RGS5: variants seen among roughly 807,000 people sequenced by gnomAD.
RGS5 encodes the protein regulator of G-protein signalling 5.
A neutral mutation model predicts 18.9 loss-of-function variants in RGS5; 20 were observed. The ratio of observed to expected loss-of-function variants is 1.06; its 90% CI spans 0.74 to 1.54. The LOEUF is 1.54. RGS5 is among the 40% of genes most tolerant of loss of function. The pLI, the probability that RGS5 is intolerant of heterozygous loss-of-function variation, is 0.00. For missense variants in RGS5, 201 were observed against 211.8 expected (o/e 0.95, Z 0.32); for synonymous variants, 57 against 76.2 (o/e 0.75, Z 1.31).
intron 1 of RGS5, among the ~76,000 whole-genome samples, chr1:163,196,058 A>T (rs1194208743): frequency 6.6e-6 from 1 of 152,076 alleles, no homozygotes; most frequent in Non-Finnish European, 1.5e-5. Context: ...TACTGTGAAC[A>T]TTTTCTTTCC....
intron 1 of RGS5, among the ~76,000 whole-genome samples, chr1:163,309,473 A>G (rs1239850348): frequency 1.3e-5 from 2 of 149,924 alleles, no homozygotes; most frequent in Non-Finnish European, 3.0e-5. Context: ...AATCTTTACC[A>G]GCAATAGATT....
chr1:163,258,104 G>A (rs1648326937), intron 2 of RGS5, among the ~76,000 whole-genome samples: 1 of 152,178 alleles, frequency 6.6e-6, no homozygotes. Context: ...TATGAATAAT[G>A]TCTGTAGCTG....
At chr1:163,177,873 G>T (rs747758876) in intron 1 of RGS5, among the ~76,000 whole-genome samples, 1 of 152,136 alleles carries the variant, frequency 6.6e-6, no homozygotes, top group Non-Finnish European at 1.5e-5. Flanking sequence ...GTGTTGTGAC[G>T]TCAAAAGCAA....
intron 1 of RGS5, among the ~76,000 whole-genome samples, chr1:163,190,559 C>T (rs748688115): frequency 1.2e-4 from 18 of 152,096 alleles, no homozygotes; most frequent in Non-Finnish European, 2.1e-4. Context: ...TATGGAACTG[C>T]GTGAGGAGCT....
intron 3 of RGS5, among the ~76,000 whole-genome samples, chr1:163,158,673 A>G (rs1457431353): frequency 6.6e-6 from 1 of 152,182 alleles, no homozygotes; most frequent in Non-Finnish European, 1.5e-5. Context: ...AAAGCAATAA[A>G]ATATCACGAG....
chr1:163,154,181 T>C (rs1657494161), intron 3 of RGS5, among the ~76,000 whole-genome samples: 1 of 152,236 alleles, frequency 6.6e-6, no homozygotes, highest in South Asian at 2.1e-4. Context: ...CTTTTACCTA[T>C]TCTTTTTATA....
chr1:163,256,174 CCT>C (rs1188793631), intron 2 of RGS5, among the ~76,000 whole-genome samples: 1 of 151,988 alleles, frequency 6.6e-6, no homozygotes, highest in Non-Finnish European at 1.5e-5. Context: ...TCAAATTGTC[CCT>C]GTTTGCAGAT....
intron 1 of RGS5, among the ~76,000 whole-genome samples, chr1:163,189,296 A>G (rs1342085862): frequency 6.6e-6 from 1 of 152,220 alleles, no homozygotes; most frequent in Non-Finnish European, 1.5e-5. Context: ...GCTAATAAAA[A>G]CGATAAGAGT....
At chr1:163,240,532 A>C (rs1283065590) in intron 2 of RGS5, among the ~76,000 whole-genome samples, 2 of 152,100 alleles carry the variant, frequency 1.3e-5, no homozygotes, top group South Asian at 2.1e-4. Context: ...AAAATTTTTT[A>C]AGAGAGAGAT....
intron 2 of RGS5, chr1:163,304,604 G>A (rs1380808275): frequency 1.3e-5 from 2 of 152,218 alleles, no homozygotes; most frequent in East Asian, 1.9e-4. Flanking sequence ...TTCTCTGGCT[G>A]AAGTTTAATT....
At chr1:163,282,044 C>A (rs200206730) in intron 2 of RGS5, among the ~76,000 whole-genome samples, 29 of 138,698 alleles carry the variant, frequency 2.1e-4, no homozygotes, top group Admixed American at 2.0e-3. Context: ...AGTGCACGCG[C>A]GCGCACACAC....
intron 2 of RGS5, among the ~76,000 whole-genome samples, chr1:163,303,143 C>T (rs1037401608): frequency 6.6e-6 from 1 of 152,100 alleles, no homozygotes; most frequent in Non-Finnish European, 1.5e-5. Flanking sequence ...TATTTGGATA[C>T]TTTTACATAT....
chr1:163,270,926 G>GT (rs1207528773), intron 2 of RGS5, among the ~76,000 whole-genome samples: 1 of 152,092 alleles, frequency 6.6e-6, no homozygotes, highest in South Asian at 2.1e-4. Flanking sequence ...ATTCCTTGGG[G>GT]TTTTTTAAAG....
intron 3 of RGS5, among the ~76,000 whole-genome samples, chr1:163,160,788 C>T (rs997928186): frequency 2.0e-5 from 3 of 152,108 alleles, no homozygotes; most frequent in Non-Finnish European, 4.4e-5. Context: ...GTTTCATATT[C>T]CATTCTTGTT....
intron 2 of RGS5, among the ~76,000 whole-genome samples, chr1:163,286,492 T>G (rs1021315530): frequency 6.6e-6 from 1 of 152,160 alleles, no homozygotes; most frequent in African/African-American, 2.4e-5. Context: ...TCCTATTTTA[T>G]CTTTTTCTTA....
chr1:163,147,507 T>G lies in RGS5; in HGVS notation c.385-4A>C. On this transcript the variant is annotated splice_region_variant and splice_polypyrimidine_tract_variant and intron_variant, in intron 4 of 4. Transcript: ENST00000313961. ...TAGTGAAGTGGTCAATATTCACCTG[T>G]GGGCCAGGAAACAGGGTCACTACAT... The G allele has an allele frequency of 1.3e-6, 2 of 1,572,746 alleles. No homozygotes were observed.
chr1:163,221,600 T>G (rs75528425), upstream of RGS5, among the ~76,000 whole-genome samples: 3,563 of 152,336 alleles, frequency 0.023, 80 homozygotes, highest in East Asian at 0.055. Flanking sequence ...GAAGCTTTAG[T>G]CATACCAGAC....
In RGS5 at chr1:163,282,905, T is replaced by A. The variant is rs764773102; in HGVS notation, c.-281+23328A>T. ...ACCTAAATGACCATCTACAGATGAA[T>A]TGAATAAGAAAATGCGGTATATATA... On this transcript the variant is annotated intron_variant, in intron 2 of 5. Transcript: ENST00000618415. 2.6e-5 allele frequency among the ~76,000 whole-genome samples: 4 copies of A among 152,128 alleles called. No homozygotes were observed. In the East Asian group the frequency reaches 7.7e-4, roughly 29 times the overall value.
intron 2 of RGS5, among the ~76,000 whole-genome samples, chr1:163,256,888 G>T (rs16851474): frequency 0.03 from 4,513 of 152,230 alleles, 97 homozygotes; most frequent in African/African-American, 0.056. Context: ...AAAACAACTT[G>T]TTTAAGTGAA....
Sources: gnomAD v4.1 joint callset for allele counts (sites outside exome capture counted in the v4.1 genomes callset) on GRCh38, gnomAD v4.1.1 for gene constraint, MANE v1.5 for transcripts, NCBI Gene and HGNC (gene_info 2026-07-23, HGNC 2026-07-21) for gene names.